The following AGAP1 variants were observed in gnomAD, a reference collection of about 807,000 sequenced individuals.
AGAP1 encodes ArfGAP with GTPase domain, ankyrin repeat and PH domain 1, also known as arf-GAP with GTPase, ANK repeat and PH domain-containing protein 1.
A neutral mutation model predicts 105.3 loss-of-function variants in AGAP1; 29 were observed. The ratio of observed to expected loss-of-function variants is 0.28; its 90% confidence interval spans 0.21 to 0.38. The LOEUF (loss-of-function observed/expected upper bound fraction) is 0.38. Ranked by LOEUF, AGAP1 falls within the 10% of genes least tolerant of loss-of-function variation. The pLI, the probability that AGAP1 is intolerant of heterozygous loss-of-function variation, is 1.00. For missense variants in AGAP1, 998 were observed against 1,165.1 expected, an observed-to-expected ratio of 0.86 and a Z score of 2.09; for synonymous variants, 509 against 485.9, an observed-to-expected ratio of 1.05 and a Z score of -0.63.
rs1219930129 is a variant in AGAP1 at position 235,799,375 on chromosome 2, T to C, written c.810T>C (p.Asn270=). ...VSAVHISQTS[N]GGGSLSDYSS... ...GATTTTAATCATTTCAGACAAGTAA[T>C]GGAGGTGGGAGTTTAAGCGACTATT... Residue 270 remains asparagine (N), a synonymous_variant, in exon 8 of 18, where the codon AAT becomes AAC. Transcript: ENST00000304032. The surrounding 1 kb of genome is among the most constrained non-coding windows in gnomAD (Gnocchi z 5.0). 6.2e-7 allele frequency: 1 copy of C among 1,614,054 alleles called. No homozygotes were observed. Among genetic ancestry groups the C allele is most frequent in the Non-Finnish European group, 8.5e-7 (1 of 1,179,978 alleles).
rs1311320491 is a variant in AGAP1, at chr2:236,126,716, A to G, written c.*2594A>G. ...CTGCTCCACTCCGCAGCCACTTTCT[A>G]GGGCCCAAGTTTTGGTAGCAGAAGG... On this transcript the variant is annotated 3_prime_UTR_variant, in exon 18 of 18. Coordinates refer to ENST00000304032, the MANE Select transcript of AGAP1 (RefSeq NM_001037131.3). 1 of 151,902 alleles carries G rather than the reference A, an allele frequency of 6.6e-6. No individual in the cohort carries two copies. Among genetic ancestry groups the G allele is most frequent in the Non-Finnish European group, 1.5e-5 (1 of 67,976 alleles). 9.4% of individuals were successfully genotyped at this position (151,902 alleles called of 1,614,324 possible).
At chr2:235,978,959 G>A (rs2054973731) in intron 13 of AGAP1, among the ~76,000 whole-genome samples, 1 of 152,074 alleles carries the variant, frequency 6.6e-6, no homozygotes, top group African/African-American at 2.4e-5. Flanking sequence ...CAGACAGTTA[G>A]AACCTACAGG....
chr2:235,869,793 G>A lies in AGAP1; in HGVS notation c.1051-13552G>A, dbSNP rs1456678351. 5.3e-5 allele frequency among the ~76,000 whole-genome samples: 8 copies of A among 152,306 alleles called. No homozygotes were observed. The South Asian group carries it at 1.0e-3, about 20-fold the overall frequency. On this transcript the variant is annotated intron_variant, in intron 9 of 17. Coordinates refer to ENST00000304032, the MANE Select transcript of AGAP1 (RefSeq NM_001037131.3). ...GTGGCACAGCTGGCTGGAGGCTGACGTGAAAAGGTCACTGGCAGTCATCTA... is the reference window on the plus strand; with the variant it reads ...GTGGCACAGCTGGCTGGAGGCTGACATGAAAAGGTCACTGGCAGTCATCTA...
At position 235,586,313 on chromosome 2, in the gene AGAP1, T is replaced by A. The variant is rs1945110557; in HGVS notation, c.163+91464T>A. On this transcript the variant is annotated intron_variant, in intron 1 of 17. Coordinates refer to ENST00000304032, the MANE Select transcript of AGAP1 (RefSeq NM_001037131.3). This position sits in a 1 kb window ranked among gnomAD's most constrained non-coding sequence, Gnocchi z 4.2. ...ACCACCCACTTTGCCCTCTGCACGC[T>A]CACTCCACGAAGGATGCAGGTGGGC... 6.6e-6 allele frequency among the ~76,000 whole-genome samples: 1 copy of A among 152,160 alleles called. No individual in the cohort carries two copies. Among genetic ancestry groups the A allele is most frequent in the South Asian group, 2.1e-4 (1 of 4,824 alleles).
rs1396879634 is a variant in AGAP1 at position 235,582,703 on chromosome 2, G to C, written c.163+87854G>C. On this transcript the variant is annotated intron_variant, in intron 1 of 17. Coordinates refer to ENST00000304032, the MANE Select transcript of AGAP1 (RefSeq NM_001037131.3). The surrounding 1 kb of genome is among the most constrained non-coding windows in gnomAD (Gnocchi z 4.7). ...AGCTGCTGGAGTGATGGCCGAAGGA[G>C]CCTGGGAGAAGTCAGAGAGAGGGGG... Among the ~76,000 whole-genome samples the C allele has an allele frequency of 1.3e-5, 2 of 152,266 alleles. No homozygotes were observed. Among genetic ancestry groups the C allele is most frequent in the African/African-American group, 4.8e-5 (2 of 41,478 alleles).
rs58128007 is a variant in AGAP1, at chr2:236,092,446, G to A, written c.2115-27746G>A. On this transcript the variant is annotated intron_variant, in intron 16 of 17. Coordinates refer to ENST00000304032, the MANE Select transcript of AGAP1 (RefSeq NM_001037131.3). The surrounding 1 kb of genome is among the most constrained non-coding windows in gnomAD (Gnocchi z 4.7). ...CTCGCTCTGTCACCCAGGCTGGAGTGTAGTGGTGCAGTCTCGTCTCACTGC... is the reference window on the plus strand; with the variant it reads ...CTCGCTCTGTCACCCAGGCTGGAGTATAGTGGTGCAGTCTCGTCTCACTGC... Among the ~76,000 whole-genome samples the A allele has an allele frequency of 0.096, 14,578 of 152,214 alleles. 1,060 individuals carry two copies. Among genetic ancestry groups the A allele is most frequent in the African/African-American group, 0.19 (8,069 of 41,506 alleles).
chr2:235,926,380 G>A (rs1052945919), intron 11 of AGAP1, among the ~76,000 whole-genome samples: 7 of 152,178 alleles, frequency 4.6e-5, no homozygotes, highest in African/African-American at 1.7e-4. Flanking sequence ...CACATGGCAC[G>A]AGATGCTCCA....
At chr2:235,913,517 T>C (rs1036746905) in intron 11 of AGAP1, among the ~76,000 whole-genome samples, 27 of 152,208 alleles carry the variant, frequency 1.8e-4, no homozygotes, top group Non-Finnish European at 5.9e-5. Context: ...AAATGGGCTG[T>C]GTTTCTGGCC....
In AGAP1 at chr2:235,494,501, A is replaced by G. The variant is rs1034158987; in HGVS notation, c.-186A>G. 7.1e-6 allele frequency: 1 copy of G among 141,212 alleles called. No individual in the cohort carries two copies. The highest frequency in any genetic ancestry group is 2.5e-5 in the African/African-American group (1 of 39,268). 8.7% of individuals were successfully genotyped at this position (141,212 alleles called of 1,614,324 possible). On this transcript the variant is annotated 5_prime_UTR_variant, in exon 1 of 18. Coordinates refer to ENST00000304032, the MANE Select transcript of AGAP1 (RefSeq NM_001037131.3). ...TCGCCGGCCGCGCGTCCCGGCCATG[A>G]ACTGAGCCCGCGGGCCAGCCCCGCG... is the stretch of plus-strand genomic sequence containing the variant.
At chr2:235,802,329 C>T (rs997954834) in intron 8 of AGAP1, among the ~76,000 whole-genome samples, 4 of 152,072 alleles carry the variant, frequency 2.6e-5, no homozygotes, top group Non-Finnish European at 5.9e-5. Flanking sequence ...GTTACAGTGA[C>T]CAAAAATCAC....
rs1281582540 is a variant in AGAP1, at chr2:236,042,712, G to T, written c.1891+1871G>T. On this transcript the variant is annotated intron_variant, in intron 15 of 17. Transcript: ENST00000304032. This position sits in a 1 kb window ranked among gnomAD's most constrained non-coding sequence, Gnocchi z 5.6. Reference sequence around the variant, plus strand: ...GAGCTTGTGCATGTGAGTGCGGATGGGGGGTGGGAAAGGGAGGCCAGTGCA... The same window carrying T: ...GAGCTTGTGCATGTGAGTGCGGATGTGGGGTGGGAAAGGGAGGCCAGTGCA... 6.6e-6 allele frequency among the ~76,000 whole-genome samples: 1 copy of T among 152,160 alleles called. No homozygotes were observed. Among genetic ancestry groups the T allele is most frequent in the Non-Finnish European group, 1.5e-5 (1 of 68,040 alleles).
intron 9 of AGAP1, among the ~76,000 whole-genome samples, chr2:235,840,892 A>C (rs571099471): frequency 9.1e-4 from 138 of 152,202 alleles, no homozygotes; most frequent in African/African-American, 3.1e-3. Context: ...ATGAGAGCTA[A>C]GGACCACTGG....
In AGAP1 at chr2:235,864,668, G is replaced by A. The variant is rs1056306820; in HGVS notation, c.1051-18677G>A. On this transcript the variant is annotated intron_variant, in intron 9 of 17. Transcript: ENST00000304032. The surrounding 1 kb of genome is among the most constrained non-coding windows in gnomAD (Gnocchi z 5.0). ...AGACAGAGTGAAAGGAAAGAAAAAC[G>A]AGGCGATCAAGAGATAATATTAACT... is the stretch of plus-strand genomic sequence containing the variant. Among the ~76,000 whole-genome samples, 1 of 152,206 alleles carries A rather than the reference G, an allele frequency of 6.6e-6. No individual in the cohort carries two copies. Among genetic ancestry groups the A allele is most frequent in the Non-Finnish European group, 1.5e-5 (1 of 68,036 alleles).
In AGAP1 at chr2:235,744,872, A is replaced by G. The variant is rs765975622; in HGVS notation, c.538+33A>G. 2.5e-6 allele frequency: 4 copies of G among 1,613,100 alleles called. No homozygotes were observed. The East Asian group carries it at 8.9e-5, about 36-fold the overall frequency. On this transcript the variant is annotated intron_variant, in intron 5 of 17. Transcript: ENST00000304032. This position sits in a 1 kb window ranked among gnomAD's most constrained non-coding sequence, Gnocchi z 5.2. ...ATGTTCGTGTGCAGATTGTTTTGAA[A>G]GGGTTCTAACAGTTACATATTTTCA...
intron 6 of AGAP1, among the ~76,000 whole-genome samples, chr2:235,770,574 A>G (rs953205647): frequency 6.6e-6 from 1 of 152,166 alleles, no homozygotes; most frequent in Non-Finnish European, 1.5e-5. Flanking sequence ...ATTGCCCATG[A>G]TGGATATTCA....
At chr2:235,527,715 G>A (rs758778946) in intron 1 of AGAP1, among the ~76,000 whole-genome samples, 17 of 152,186 alleles carry the variant, frequency 1.1e-4, no homozygotes, top group African/African-American at 2.2e-4. Flanking sequence ...ATTTGTGTTC[G>A]TTGTAGGATT....
Position 235,977,721 on chromosome 2 carries a change from C to T in AGAP1, c.1645+9098C>T, listed in dbSNP as rs905474092. On this transcript the variant is annotated intron_variant, in intron 13 of 17. Coordinates refer to ENST00000304032, the MANE Select transcript of AGAP1 (RefSeq NM_001037131.3). This position sits in a 1 kb window ranked among gnomAD's most constrained non-coding sequence, Gnocchi z 5.2. ...CAGTGTTTTATCTCACAGGCAGTGG[C>T]GACTTCATTCCTCTTTCTAAAGATG... 6.6e-6 allele frequency among the ~76,000 whole-genome samples: 1 copy of T among 152,098 alleles called. No individual in the cohort carries two copies. Among genetic ancestry groups the T allele is most frequent in the African/African-American group, 2.4e-5 (1 of 41,404 alleles).
chr2:235,775,476 T>C (rs946902055), intron 6 of AGAP1, among the ~76,000 whole-genome samples: 2 of 152,224 alleles, frequency 1.3e-5, no homozygotes, highest in Non-Finnish European at 2.9e-5. Flanking sequence ...TTTATTTTCC[T>C]ACCTTCTGAA....
In AGAP1 at chr2:235,610,951, G is replaced by A. The variant is rs141674899; in HGVS notation, c.164-98228G>A. Among the ~76,000 whole-genome samples, 1 of 152,146 alleles carries A rather than the reference G, an allele frequency of 6.6e-6. No homozygotes were observed. Among genetic ancestry groups the A allele is most frequent in the South Asian group, 2.1e-4 (1 of 4,814 alleles). On this transcript the variant is annotated intron_variant, in intron 1 of 17. Coordinates refer to ENST00000304032, the MANE Select transcript of AGAP1 (RefSeq NM_001037131.3). The surrounding 1 kb of genome is among the most constrained non-coding windows in gnomAD (Gnocchi z 4.9). Reference sequence around the variant, plus strand: ...GCCCCTCTGAAGAGCGGCCCAGTAGGATGGTTGACTGACGTTAGCTTGGCT... The same window carrying A: ...GCCCCTCTGAAGAGCGGCCCAGTAGAATGGTTGACTGACGTTAGCTTGGCT...
Sources: gnomAD v4.1 joint callset for allele counts (sites outside exome capture counted in the v4.1 genomes callset) on GRCh38, gnomAD v4.1.1 for gene constraint, Gnocchi (gnomAD v3.1) non-coding constraint, MANE v1.5 for transcripts, NCBI Gene and HGNC (gene_info 2026-07-23, HGNC 2026-07-21) for gene names.